TBC1D31: variants seen among roughly 807,000 people sequenced by gnomAD.
TBC1D31 encodes TBC1 domain family member 31.
In TBC1D31, 99 loss-of-function variants were observed where a neutral mutation model predicts 132.9. The ratio of observed to expected loss-of-function variants is 0.74; its 90% CI spans 0.63 to 0.88. The LOEUF is 0.88. Ranked by LOEUF, TBC1D31 falls within the 40% of genes least tolerant of loss-of-function variation. The pLI is 0.00. For synonymous variants in TBC1D31, 385 were observed against 419.4 expected (o/e 0.92, Z 1.00); for missense variants, 1,134 against 1,256.6 (o/e 0.90, Z 1.48).
rs770366885 is a variant in TBC1D31 at position 123,100,999 on chromosome 8, A to T, written c.1024A>T (p.Ile342Leu). The T allele has an allele frequency of 6.2e-5, 100 of 1,607,502 alleles. No homozygotes were observed. Among genetic ancestry groups the T allele is most frequent in the Non-Finnish European group, 8.3e-5 (97 of 1,174,202 alleles). Residue 342 changes from isoleucine to leucine, a missense_variant, in exon 7 of 22, where the codon ATA becomes TTA. By Grantham distance (5) the Ile-to-Leu change is conservative (BLOSUM62 2). Transcript: ENST00000287380. ...TTCAGTTCAGGCTTTAACACAAGAA[A>T]TAAATAAGGTATGTATGATGAAGTA... ...IYSVQALTQE[I>L]NKPPPPLVKV...
At chr8:123,156,747 G>A (rs1373296170), downstream of TBC1D31, among the ~76,000 whole-genome samples, 1 of 152,088 alleles carries the variant, frequency 6.6e-6, no homozygotes, top group Non-Finnish European at 1.5e-5. Context: ...TGCATTTCCG[G>A]ATAGGTTCAG....
intron 2 of TBC1D31, 138 bp from the exon 3 acceptor site, chr8:123,082,564 C>G (rs959530882): frequency 1.6e-6 from 1 of 610,712 alleles, no homozygotes; most frequent in East Asian, 2.8e-5. Context: ...CACATAGCAC[C>G]CTTCATAATC....
At chr8:123,098,534 T>A (rs1817053211) in intron 6 of TBC1D31, among the ~76,000 whole-genome samples, 1 of 152,200 alleles carries the variant, frequency 6.6e-6, no homozygotes, top group Non-Finnish European at 1.5e-5. Context: ...GTGATCCACC[T>A]GCCTCAGCCT....
At chr8:123,162,789 C>T in the TBC1D31 span, among the ~76,000 whole-genome samples, 1 of 152,288 alleles carries the variant, frequency 6.6e-6, no homozygotes, top group East Asian at 1.9e-4. Flanking sequence ...GCTTAACAAA[C>T]CACCCAAAAC....
At chr8:123,121,958 G>T (rs1819546507) in intron 11 of TBC1D31, among the ~76,000 whole-genome samples, 1 of 152,162 alleles carries the variant, frequency 6.6e-6, no homozygotes, top group Non-Finnish European at 1.5e-5. Flanking sequence ...AGCATCATTA[G>T]TCATTAGGGA....
intron 5 of TBC1D31, among the ~76,000 whole-genome samples, chr8:123,095,833 G>T (rs947257443): frequency 6.6e-6 from 1 of 152,072 alleles, no homozygotes; most frequent in South Asian, 2.1e-4. Flanking sequence ...ACCCTAATCC[G>T]GATGCTAGGG....
chr8:123,074,130 C>T (rs888735029), intron 1 of TBC1D31, among the ~76,000 whole-genome samples: 1 of 150,700 alleles, frequency 6.6e-6, no homozygotes, highest in African/African-American at 2.4e-5. Flanking sequence ...CTCCCGGGTT[C>T]AAGCGATTCT....
intron 7 of TBC1D31, chr8:123,102,240 T>A (rs1011626905): frequency 1.3e-5 from 6 of 456,618 alleles, no homozygotes; most frequent in Non-Finnish European, 2.6e-5. Context: ...CCTTTCATTT[T>A]ACACAGGAAG....
chr8:123,164,461 T>A, the TBC1D31 span, among the ~76,000 whole-genome samples: 2 of 152,064 alleles, frequency 1.3e-5, no homozygotes, highest in Admixed American at 6.6e-5. Flanking sequence ...GTGGCTCACA[T>A]CTGTAATCCC....
chr8:123,144,882 C>A (rs779277346), intron 20 of TBC1D31, 27 bp downstream of exon 20: 58 of 1,579,392 alleles, frequency 3.7e-5, no homozygotes, highest in Non-Finnish European at 4.7e-5. Context: ...CCTTTCTCTC[C>A]ATGATGTTAC....
chr8:123,094,507 C>CTTTATTTATTTATTTA (rs368810398), intron 5 of TBC1D31, among the ~76,000 whole-genome samples: 1 of 148,228 alleles, frequency 6.7e-6, no homozygotes, highest in African/African-American at 2.5e-5. Flanking sequence ...TATTATCACA[C>CTTTATTTATTTATTTA]TTTATTTATT....
In TBC1D31 at chr8:123,072,731, T is replaced by A; in HGVS notation, c.-39T>A. The A allele has an allele frequency of 1.9e-6, 3 of 1,546,946 alleles. No homozygotes were observed. The highest frequency in any genetic ancestry group is 2.6e-6 in the Non-Finnish European group (3 of 1,144,146). ...CCTGCCGGGAAGGCGCTGGGACGGT[T>A]ACCCAGCGGGCCGCCGGCGGTCGTG... is the stretch of plus-strand genomic sequence containing the variant. On this transcript the variant is annotated 5_prime_UTR_variant, in exon 1 of 22. Transcript: ENST00000287380.
In TBC1D31 at chr8:123,144,862, G is replaced by T. The variant is rs1236589336; in HGVS notation, c.2974+7G>T. On this transcript the variant is annotated splice_region_variant and intron_variant, in intron 20 of 21. Coordinates refer to ENST00000287380, the MANE Select transcript of TBC1D31 (RefSeq NM_145647.4). Reference sequence around the variant, plus strand: ...GAAAATCCATGTCATAAAGGTGAGTGTCTGAGAGGCCTTTCTCTCCATGAT... The same window carrying T: ...GAAAATCCATGTCATAAAGGTGAGTTTCTGAGAGGCCTTTCTCTCCATGAT... The T allele has an allele frequency of 6.2e-7, 1 of 1,604,012 alleles. No individual in the cohort carries two copies. The highest frequency in any genetic ancestry group is 8.5e-7 in the Non-Finnish European group (1 of 1,177,356).
chr8:123,120,963 CTTTT>C (rs71310658), intron 11 of TBC1D31, among the ~76,000 whole-genome samples: 3 of 135,872 alleles, frequency 2.2e-5, no homozygotes, highest in Non-Finnish European at 3.2e-5. Flanking sequence ...ATTTTAACCT[CTTTT>C]TTTTTTTTTT....
At chr8:123,157,954 T>C in the TBC1D31 span, among the ~76,000 whole-genome samples, 1 of 151,966 alleles carries the variant, frequency 6.6e-6, no homozygotes, top group Non-Finnish European at 1.5e-5. Context: ...CTGCAGTCTT[T>C]TTCACCACCA....
the TBC1D31 span, among the ~76,000 whole-genome samples, chr8:123,157,772 A>G: frequency 6.6e-6 from 1 of 151,720 alleles, no homozygotes; most frequent in South Asian, 2.1e-4. Flanking sequence ...TGCAGACCCC[A>G]GATCCCGCCA....
chr8:123,134,991 C>A (rs1820948870), intron 17 of TBC1D31, among the ~76,000 whole-genome samples: 1 of 152,194 alleles, frequency 6.6e-6, no homozygotes, highest in African/African-American at 2.4e-5. Flanking sequence ...CCTTCACCTC[C>A]CCTGCTCCAG....
chr8:123,075,772 A>C (rs1814447171), intron 1 of TBC1D31, among the ~76,000 whole-genome samples: 2 of 152,190 alleles, frequency 1.3e-5, no homozygotes, highest in Admixed American at 6.5e-5. Context: ...CATGATTAAA[A>C]ACTATTGTTG....
At chr8:123,074,996 G>A (rs1235672238) in intron 1 of TBC1D31, 1 of 152,236 alleles carries the variant, frequency 6.6e-6, no homozygotes, top group Non-Finnish European at 1.5e-5. Flanking sequence ...TGAAAAATCG[G>A]AGGGGCAGAA....
Sources: allele counts gnomAD v4.1 joint callset (sites outside exome capture counted in the v4.1 genomes callset), GRCh38; gene constraint gnomAD v4.1.1; transcripts MANE v1.5; gene names NCBI Gene and HGNC (gene_info 2026-07-23, HGNC 2026-07-21).